GSK3B: variants seen among roughly 807,000 people sequenced by gnomAD.
GSK3B encodes glycogen synthase kinase-3 beta.
Under a neutral mutation model 56.4 loss-of-function variants are expected in GSK3B, and 15 were observed. The observed-to-expected ratio is 0.27, with a 90% CI of 0.18 to 0.41. The LOEUF is 0.41. GSK3B is among the 10% of genes least tolerant of loss of function. The pLI, the probability that GSK3B is intolerant of heterozygous loss-of-function variation, is 1.00. For synonymous variants in GSK3B, 181 were observed against 188.9 expected, an observed-to-expected ratio of 0.96 and a Z score of 0.34; for missense variants, 300 against 513.4, an observed-to-expected ratio of 0.58 and a Z score of 4.02.
At chr3:119,832,978 T>G (rs2055628196) in intron 10 of GSK3B, 1 of 984,112 alleles carries the variant, frequency 1.0e-6, no homozygotes, top group African/African-American at 1.7e-5. Flanking sequence ...TTTTTCAGAT[T>G]CTCAAGAGAT....
chr3:119,973,649 G>C (rs1261621012), intron 2 of GSK3B, among the ~76,000 whole-genome samples: 2 of 152,188 alleles, frequency 1.3e-5, no homozygotes, highest in Admixed American at 6.5e-5. Flanking sequence ...TTTTGAGAGA[G>C]AGGGAGATAA....
intron 7 of GSK3B, among the ~76,000 whole-genome samples, chr3:119,888,991 T>A (rs905518225): frequency 3.9e-5 from 6 of 152,102 alleles, no homozygotes; most frequent in Admixed American, 2.0e-4. Flanking sequence ...TCTGTTAAGA[T>A]GTTTATCAAG....
At chr3:119,858,939 A>AC (rs1456985248) in intron 9 of GSK3B, among the ~76,000 whole-genome samples, 1 of 30,824 alleles carries the variant, frequency 3.2e-5, no homozygotes, top group Non-Finnish European at 9.5e-5. Flanking sequence ...ACATTGATCA[A>AC]TTAGTTCAAT....
At chr3:119,920,832 G>A (rs1266487922) in intron 4 of GSK3B, among the ~76,000 whole-genome samples, 1 of 152,082 alleles carries the variant, frequency 6.6e-6, no homozygotes, top group African/African-American at 2.4e-5. Flanking sequence ...TGAACTCATG[G>A]TGTATTTATT....
At chr3:120,073,901 T>C (rs543806432) in intron 1 of GSK3B, among the ~76,000 whole-genome samples, 2 of 152,040 alleles carry the variant, frequency 1.3e-5, no homozygotes, top group Non-Finnish European at 2.9e-5. Flanking sequence ...AAAGAGTTGG[T>C]TTTTTAAAAA....
chr3:119,970,878 G>A (rs1370165305), intron 2 of GSK3B, among the ~76,000 whole-genome samples: 2 of 152,014 alleles, frequency 1.3e-5, no homozygotes, highest in Non-Finnish European at 2.9e-5. Flanking sequence ...AACTATTTCT[G>A]TAAATACTCT....
Position 120,093,453 on chromosome 3 carries a change from T to G in GSK3B, c.-19A>C. ...CTGACATGATCACTCTCTTCGCGAA[T>G]CACCTTTTCCTTCCTTCCTCCTTTT... On this transcript the variant is annotated 5_prime_UTR_variant, in exon 1 of 11. Transcript: ENST00000264235. 6.5e-7 allele frequency: 1 copy of G among 1,550,136 alleles called. No homozygotes were observed. Among genetic ancestry groups the G allele is most frequent in the East Asian group, 2.2e-5 (1 of 44,612 alleles).
intron 10 of GSK3B, among the ~76,000 whole-genome samples, chr3:119,830,124 C>T (rs964023696): frequency 3.3e-5 from 5 of 152,150 alleles, no homozygotes; most frequent in African/African-American, 1.2e-4. Context: ...TTTAAAAGAC[C>T]ACCCAGCTTA....
At chr3:119,890,744 T>TAA (rs11356363) in intron 7 of GSK3B, among the ~76,000 whole-genome samples, 3 of 130,838 alleles carry the variant, frequency 2.3e-5, no homozygotes, top group Non-Finnish European at 3.4e-5. Flanking sequence ...ATTTAAAAAG[T>TAA]AAAAAAAAAA....
chr3:119,821,762 G>A lies in GSK3B; in HGVS notation c.*5026C>T, dbSNP rs1016448270. On this transcript the variant is annotated 3_prime_UTR_variant, in exon 11 of 11. Coordinates refer to ENST00000264235, the MANE Select transcript of GSK3B (RefSeq NM_001146156.2). ...TTCCAAGGTGGAAGCTGCACCTCTT[G>A]GGGCTACACAATGGAATAAAATCAT... The A allele has an allele frequency of 1.1e-4, 17 of 158,760 alleles. No homozygotes were observed. Among genetic ancestry groups the A allele is most frequent in the African/African-American group, 3.8e-4 (16 of 41,808 alleles). The allele number at this position is 158,760 out of a possible 1,614,324, so 9.8% of individuals were successfully genotyped here.
At position 119,947,377 on chromosome 3, in the gene GSK3B, A is replaced by G. The variant is rs374273150; in HGVS notation, c.283-26T>C. On this transcript the variant is annotated intron_variant, in intron 2 of 10. Coordinates refer to ENST00000264235, the MANE Select transcript of GSK3B (RefSeq NM_001146156.2). ...CTGAAAAGGAAACACATAAAAATAT[A>G]TTTTTAAAGGATAACAGCTATTCAT... is the stretch of plus-strand genomic sequence containing the variant. The G allele has an allele frequency of 2.2e-6, 3 of 1,367,850 alleles. No individual in the cohort carries two copies. In the African/African-American group the frequency reaches 4.3e-5, roughly 19 times the overall value. 84.7% of individuals were successfully genotyped at this position (1,367,850 alleles called of 1,614,324 possible). A position where few individuals can be genotyped will look rare whatever the true frequency, so the allele number is the denominator to read the frequency against.
chr3:119,879,473 G>A (rs1390072344), intron 7 of GSK3B, among the ~76,000 whole-genome samples: 6 of 151,998 alleles, frequency 3.9e-5, no homozygotes, highest in African/African-American at 7.3e-5. Context: ...GAGCCATTGC[G>A]CACAGCCTAT....
rs1421961211 is a variant in GSK3B, at chr3:120,043,543, A to G, written c.89-41304T>C. Among the ~76,000 whole-genome samples the G allele has an allele frequency of 2.0e-5, 3 of 152,186 alleles. No individual in the cohort carries two copies. The East Asian group carries it at 5.8e-4, about 29-fold the overall frequency. ...AAGCCACTGACCCTGCATCTTGCTC[A>G]TGGCAGGGGTACCAAGACACCCCAA... On this transcript the variant is annotated intron_variant, in intron 1 of 10. Transcript: ENST00000264235.
chr3:119,866,533 C>T, intron 8 of GSK3B: 1 of 1,014,022 alleles, frequency 9.9e-7, no homozygotes, highest in Non-Finnish European at 1.6e-6. Context: ...AAGAAGATTT[C>T]CCCCAAGTTT....
intron 7 of GSK3B, among the ~76,000 whole-genome samples, chr3:119,903,912 G>A (rs1341842046): frequency 6.6e-6 from 1 of 152,140 alleles, no homozygotes; most frequent in Non-Finnish European, 1.5e-5. Flanking sequence ...TGTAAGAGCA[G>A]AGACCAGGAA....
chr3:119,831,821 C>A (rs1433797665), intron 10 of GSK3B, among the ~76,000 whole-genome samples: 1 of 152,106 alleles, frequency 6.6e-6, no homozygotes, highest in Non-Finnish European at 1.5e-5. Context: ...TAAACCAATG[C>A]CCATTATCAC....
intron 2 of GSK3B, among the ~76,000 whole-genome samples, chr3:119,969,944 C>T (rs2057350887): frequency 6.6e-6 from 1 of 152,192 alleles, no homozygotes; most frequent in Admixed American, 6.5e-5. Flanking sequence ...CATGAATCAT[C>T]CCTTTGTCTA....
At chr3:120,084,898 A>C (rs561398614) in intron 1 of GSK3B, among the ~76,000 whole-genome samples, 1 of 152,354 alleles carries the variant, frequency 6.6e-6, no homozygotes, top group South Asian at 2.1e-4. Flanking sequence ...TTACTGATTT[A>C]AATTTGTTTT....
intron 2 of GSK3B, among the ~76,000 whole-genome samples, chr3:119,971,844 C>T (rs2057370953): frequency 1.3e-5 from 2 of 151,740 alleles, no homozygotes; most frequent in South Asian, 4.2e-4. Flanking sequence ...ATCTCCTGAC[C>T]TCGTGATCCG....
Sources: allele counts gnomAD v4.1 joint callset (sites outside exome capture counted in the v4.1 genomes callset), GRCh38; gene constraint gnomAD v4.1.1; transcripts MANE v1.5; gene names NCBI Gene and HGNC (gene_info 2026-07-23, HGNC 2026-07-21).